SPPL2A: variants seen among roughly 807,000 people sequenced by gnomAD.
SPPL2A encodes signal peptide peptidase like 2A.
A neutral mutation model predicts 63.8 loss-of-function variants in SPPL2A; 51 were observed. The observed-to-expected ratio is 0.80, with a 90% CI of 0.64 to 1.01. The LOEUF is 1.01. Ranked by LOEUF, SPPL2A falls within the 50% of genes least tolerant of loss-of-function variation. The pLI, the probability that SPPL2A is intolerant of heterozygous loss-of-function variation, is 0.00. For missense variants in SPPL2A, 553 were observed against 622.7 expected, an observed-to-expected ratio of 0.89 and a Z score of 1.19; for synonymous variants, 188 against 205.8, an observed-to-expected ratio of 0.91 and a Z score of 0.74.
At chr15:50,740,430 A>AT (rs2062810450) in intron 5 of SPPL2A, among the ~76,000 whole-genome samples, 1 of 147,362 alleles carries the variant, frequency 6.8e-6, no homozygotes, top group African/African-American at 2.5e-5. Context: ...TCCGTCTCAA[A>AT]AAAAAAAAAA....
At chr15:50,752,392 G>A (rs1275008948) in intron 1 of SPPL2A, among the ~76,000 whole-genome samples, 2 of 151,340 alleles carry the variant, frequency 1.3e-5, no homozygotes, top group African/African-American at 4.9e-5. Flanking sequence ...GATCAGCATG[G>A]CCGATATGGC....
intron 1 of SPPL2A, chr15:50,764,400 AT>A (rs1206929842): frequency 7.9e-5 from 12 of 152,160 alleles, no homozygotes; most frequent in African/African-American, 2.9e-4. Flanking sequence ...CAGGTTCCTG[AT>A]GTTGCCTGTC....
Position 50,748,851 on chromosome 15 carries a change from T to C in SPPL2A, c.197A>G (p.Asn66Ser). The C allele has an allele frequency of 6.3e-7, 1 of 1,579,772 alleles. No homozygotes were observed. Among genetic ancestry groups the C allele is most frequent in the Non-Finnish European group, 8.6e-7 (1 of 1,167,132 alleles). The change falls in exon 3 of 15, where the codon AAT (asparagine) becomes AGT (serine). Residue 66 changes from asparagine to serine, a missense_variant. By Grantham distance (46) the Asn-to-Ser change is conservative. Transcript: ENST00000261854. Reference protein sequence around the residue: ...LENATSISLMNLTSTPLCNLS... With the variant: ...LENATSISLMSLTSTPLCNLS... The stretch of plus-strand genomic sequence containing the variant: ...GTTGCATAGTGGTGTGGAAGTCAGA[T>C]TCATCAAACTAATGGAAGTCTGAAA...
rs1189584082 is a variant in SPPL2A at position 50,765,486 on chromosome 15, C to G, written c.48G>C (p.Trp16Cys). 6.6e-7 allele frequency: 1 copy of G among 1,504,344 alleles called. No homozygotes were observed. The highest frequency in any genetic ancestry group is 8.8e-7 in the Non-Finnish European group (1 of 1,134,198). The allele number at this position is 1,504,344 out of a possible 1,614,324, so 93.2% of individuals were successfully genotyped here. The stretch of plus-strand genomic sequence containing the variant: ...CCCTTACCAGCTGGAGCAGGAAGCC[C>G]CAGAGTAGGGCGGCCCCGGCAGGGG... ...RLSPAGAALLWGFLLQLTAAQ... is the reference protein window; with the variant it reads ...RLSPAGAALLCGFLLQLTAAQ... The change falls in exon 1 of 15, where the codon TGG becomes TGC. Residue 16 changes from tryptophan (W) to cysteine (C), a missense_variant. Transcript: ENST00000261854.
chr15:50,753,383 T>C (rs905519394), intron 1 of SPPL2A, among the ~76,000 whole-genome samples: 2 of 152,212 alleles, frequency 1.3e-5, no homozygotes, highest in Admixed American at 1.3e-4. Flanking sequence ...ATTTTAAATA[T>C]CTTAGTAAAA....
intron 1 of SPPL2A, among the ~76,000 whole-genome samples, chr15:50,760,059 G>C (rs1304290687): frequency 1.3e-5 from 2 of 152,182 alleles, no homozygotes; most frequent in South Asian, 2.1e-4. Context: ...AATAAACCTA[G>C]CATGTTTTAG....
At chr15:50,720,167 C>A in intron 13 of SPPL2A, 67 bp from the exon 14 acceptor site, 2 of 1,227,068 alleles carry the variant, frequency 1.6e-6, no homozygotes, top group South Asian at 3.1e-5. Context: ...TTTCCTCTGT[C>A]ATTTATGTAC....
chr15:50,757,174 T>C (rs1450974944), intron 1 of SPPL2A, among the ~76,000 whole-genome samples: 1 of 150,694 alleles, frequency 6.6e-6, no homozygotes, highest in Non-Finnish European at 1.5e-5. Context: ...GCTCCGCCTC[T>C]GGGATTCACG....
Position 50,703,350 on chromosome 15 carries a change from A to ATTTTT in SPPL2A, c.*4449_*4450insAAAAA, listed in dbSNP as rs2062489440. The ATTTTT allele has an allele frequency of 1.5e-5, 1 of 67,752 alleles. No homozygotes were observed. Among genetic ancestry groups the ATTTTT allele is most frequent in the Non-Finnish European group, 2.8e-5 (1 of 35,262 alleles). 4.2% of individuals were successfully genotyped at this position (67,752 alleles called of 1,614,324 possible). A position where few individuals can be genotyped will look rare whatever the true frequency, so the allele number is the denominator to read the frequency against. ...CATATATATATATATATATATACAT[A>ATTTTT]TATATATTTTTTTTTTTTTTTTTTT... is the stretch of plus-strand genomic sequence containing the variant. On this transcript the variant is annotated 3_prime_UTR_variant, in exon 15 of 15. Coordinates refer to ENST00000261854, the MANE Select transcript of SPPL2A (RefSeq NM_032802.4).
At chr15:50,708,314 C>A (rs1817493825) in intron 14 of SPPL2A, among the ~76,000 whole-genome samples, 1 of 152,082 alleles carries the variant, frequency 6.6e-6, no homozygotes, top group Non-Finnish European at 1.5e-5. Context: ...TTATTGACAC[C>A]TTGAAATAAC....
At chr15:50,734,903 CTT>C (rs1459160406) in intron 8 of SPPL2A, among the ~76,000 whole-genome samples, 1 of 152,000 alleles carries the variant, frequency 6.6e-6, no homozygotes, top group African/African-American at 2.4e-5. Context: ...CTCTCTCTCT[CTT>C]TTCTTTTTTT....
rs58695039 is a variant in SPPL2A, at chr15:50,753,356, T to A, written c.67-3610A>T. 2.0e-3 allele frequency among the ~76,000 whole-genome samples: 301 copies of A among 152,284 alleles called. 8 individuals carry two copies. In the East Asian group the frequency reaches 0.05, roughly 25 times the overall value. Reference sequence around the variant, plus strand: ...GAGGGAGCCAGCATGCCCAAACAAGTTAAGCCTTTCCATGACATTTTAAAT... The same window carrying A: ...GAGGGAGCCAGCATGCCCAAACAAGATAAGCCTTTCCATGACATTTTAAAT... On this transcript the variant is annotated intron_variant, in intron 1 of 14. Transcript: ENST00000261854.
intron 13 of SPPL2A, among the ~76,000 whole-genome samples, chr15:50,721,696 C>T (rs1324667532): frequency 2.6e-5 from 4 of 151,874 alleles, no homozygotes; most frequent in East Asian, 1.9e-4. Context: ...CCTCTGCCTC[C>T]CAGGTTCAAG....
chr15:50,716,760 A>G (rs2062602197), intron 14 of SPPL2A, among the ~76,000 whole-genome samples: 1 of 152,052 alleles, frequency 6.6e-6, no homozygotes, highest in Non-Finnish European at 1.5e-5. Flanking sequence ...TAATAATAGA[A>G]ATCTCTTGCT....
Position 50,708,020 on chromosome 15 carries a change from C to T in SPPL2A, c.1489-146G>A. On this transcript the variant is annotated intron_variant, in intron 14 of 14. Coordinates refer to ENST00000261854, the MANE Select transcript of SPPL2A (RefSeq NM_032802.4). ...CTTCTGGAGCACTGTTCTGGTTCAA[C>T]ATCCACACTTCTAAGGAGATAGTCA... is the stretch of plus-strand genomic sequence containing the variant. The T allele has an allele frequency of 9.6e-6, 6 of 623,352 alleles. No individual in the cohort carries two copies. The South Asian group carries it at 1.2e-4, about 12-fold the overall frequency. 38.6% of individuals were successfully genotyped at this position (623,352 alleles called of 1,614,324 possible). A position where few individuals can be genotyped will look rare whatever the true frequency, so the allele number is the denominator to read the frequency against.
At chr15:50,748,644 A>C in intron 3 of SPPL2A, 44 bp downstream of exon 3, 1 of 1,339,200 alleles carries the variant, frequency 7.5e-7, no homozygotes. Context: ...GTGAAATTTC[A>C]CATCATGAAC....
intron 14 of SPPL2A, among the ~76,000 whole-genome samples, chr15:50,717,183 T>C (rs1469945840): frequency 6.6e-6 from 1 of 152,198 alleles, no homozygotes; most frequent in Non-Finnish European, 1.5e-5. Flanking sequence ...GTTTGTGTTT[T>C]TGTTTTGAGA....
chr15:50,708,504 G>C (rs893548539), intron 14 of SPPL2A, among the ~76,000 whole-genome samples: 4 of 151,274 alleles, frequency 2.6e-5, no homozygotes, highest in Non-Finnish European at 5.9e-5. Context: ...TCAGGAGTTC[G>C]AGACCAGCCT....
At chr15:50,758,193 G>A (rs1228509064) in intron 1 of SPPL2A, among the ~76,000 whole-genome samples, 6 of 149,858 alleles carry the variant, frequency 4.0e-5, no homozygotes, top group Admixed American at 2.7e-4. Flanking sequence ...GGAGGCTGAG[G>A]CAGGAGAATG....
Sources: gnomAD v4.1 joint callset for allele counts (sites outside exome capture counted in the v4.1 genomes callset) on GRCh38, gnomAD v4.1.1 for gene constraint, MANE v1.5 for transcripts, NCBI Gene and HGNC (gene_info 2026-07-23, HGNC 2026-07-21) for gene names.